FAM151B: variants seen among roughly 807,000 people sequenced by gnomAD.
The protein encoded by FAM151B is protein FAM151B.
A neutral mutation model predicts 31.2 loss-of-function variants in FAM151B; 24 were observed. The ratio of observed to expected loss-of-function variants is 0.77; its 90% confidence interval spans 0.56 to 1.08. FAM151B has a LOEUF of 1.08. Among genes scored for constraint, FAM151B ranks in the 50% least tolerant of loss-of-function variants. The pLI, the probability that FAM151B is intolerant of heterozygous loss-of-function variation, is 0.00. For missense variants in FAM151B, 293 were observed against 328.6 expected (o/e 0.89, Z 0.84); for synonymous variants, 105 against 111.4 (o/e 0.94, Z 0.36).
chr5:80,492,088 A>G (rs1023905322), intron 1 of FAM151B, among the ~76,000 whole-genome samples: 9 of 152,158 alleles, frequency 5.9e-5, no homozygotes, highest in Non-Finnish European at 8.8e-5. Flanking sequence ...GTGATTCCGT[A>G]TGATATTGTA....
In FAM151B at chr5:80,532,208, G is replaced by A. The variant is rs1052868904; in HGVS notation, c.672-9465G>A. ...CACAGGGTGGGGAACATCCCACACC[G>A]GGGCCTGTTGTGGGGTGGGGGGAGG... On this transcript the variant is annotated intron_variant, in intron 5 of 5. Transcript: ENST00000282226. 6.8e-5 allele frequency among the ~76,000 whole-genome samples: 9 copies of A among 132,340 alleles called. No individual in the cohort carries two copies. The South Asian group carries it at 8.1e-4, about 12-fold the overall frequency. The allele number at this position is 132,340 out of a possible 152,430, so 86.8% of individuals were successfully genotyped here. A position where few individuals can be genotyped will look rare whatever the true frequency, so the allele number is the denominator to read the frequency against.
At chr5:80,491,126 C>T (rs772955927) in intron 1 of FAM151B, among the ~76,000 whole-genome samples, 1 of 151,968 alleles carries the variant, frequency 6.6e-6, no homozygotes, top group Non-Finnish European at 1.5e-5. Flanking sequence ...TATCCATCAC[C>T]TCACATACTT....
At chr5:80,488,236 G>T (rs928196136) in intron 1 of FAM151B, 88 bp downstream of exon 1, 1 of 1,458,236 alleles carries the variant, frequency 6.9e-7, no homozygotes. Context: ...GGCTCCCGCG[G>T]TCTTCCTTGC....
intron 5 of FAM151B, among the ~76,000 whole-genome samples, chr5:80,539,447 T>C (rs548123453): frequency 6.6e-6 from 1 of 152,280 alleles, no homozygotes; most frequent in Admixed American, 6.5e-5. Context: ...TGAAAATTAA[T>C]GGAGTTTTGT....
chr5:80,538,446 TTC>T (rs200507737), intron 5 of FAM151B, among the ~76,000 whole-genome samples: 7,601 of 45,612 alleles, frequency 0.17, 643 homozygotes, highest in Middle Eastern at 0.23. Context: ...CTTTCTTTCT[TTC>T]TCTTTCTTTC....
chr5:80,535,080 A>G (rs1464361492), intron 5 of FAM151B, among the ~76,000 whole-genome samples: 1 of 152,150 alleles, frequency 6.6e-6, no homozygotes, highest in Non-Finnish European at 1.5e-5. Context: ...ACTATAAAAC[A>G]CTGGTGCAAG....
At chr5:80,535,147 A>G in intron 5 of FAM151B, among the ~76,000 whole-genome samples, 1 of 152,226 alleles carries the variant, frequency 6.6e-6, no homozygotes, top group Non-Finnish European at 1.5e-5. Context: ...GATTGGAAGA[A>G]TTAATATTGT....
intron 1 of FAM151B, among the ~76,000 whole-genome samples, chr5:80,489,584 G>A (rs1441528190): frequency 6.6e-6 from 1 of 152,190 alleles, no homozygotes; most frequent in Admixed American, 6.5e-5. Flanking sequence ...TAAAATGTGT[G>A]CACAAGTGAA....
intron 5 of FAM151B, among the ~76,000 whole-genome samples, chr5:80,538,450 C>CTTTCTTTCTTTCTTTCTCTTTCTTTG (rs1745664642): frequency 4.3e-5 from 3 of 69,926 alleles, no homozygotes; most frequent in Non-Finnish European, 8.7e-5. Flanking sequence ...CTTTCTTTCT[C>CTTTCTTTCTTTCTTTCTCTTTCTTTG]TTTCTTTCTT....
intron 2 of FAM151B, among the ~76,000 whole-genome samples, chr5:80,506,817 T>G (rs1743980933): frequency 6.6e-6 from 1 of 152,106 alleles, no homozygotes; most frequent in South Asian, 2.1e-4. Context: ...GTTGAGAGAT[T>G]GTTTTGATTT....
intron 1 of FAM151B, chr5:80,500,055 ATAT>A (rs1743686509): frequency 4.9e-6 from 1 of 202,454 alleles, no homozygotes. Context: ...ATAAAATGGA[ATAT>A]TATTCAGCCC....
chr5:80,489,231 G>A (rs537587252), intron 1 of FAM151B, among the ~76,000 whole-genome samples: 2 of 151,902 alleles, frequency 1.3e-5, no homozygotes, highest in East Asian at 3.9e-4. Flanking sequence ...ATTCTGTAAT[G>A]AACATTTTTG....
At chr5:80,526,305 G>A (rs372149329) in intron 5 of FAM151B, among the ~76,000 whole-genome samples, 1 of 151,980 alleles carries the variant, frequency 6.6e-6, no homozygotes. Context: ...AATTCTCTTA[G>A]CATTTTTAAT....
chr5:80,518,032 G>A (rs61602358), intron 3 of FAM151B, among the ~76,000 whole-genome samples: 3 of 147,468 alleles, frequency 2.0e-5, no homozygotes, highest in African/African-American at 5.0e-5. Context: ...AGATCGCACC[G>A]TTGCACTCCA....
chr5:80,530,817 T>C (rs1745206166), intron 5 of FAM151B, among the ~76,000 whole-genome samples: 1 of 152,166 alleles, frequency 6.6e-6, no homozygotes, highest in Non-Finnish European at 1.5e-5. Context: ...CTGCCCAAGG[T>C]AATTTATATG....
intron 1 of FAM151B, among the ~76,000 whole-genome samples, chr5:80,495,779 G>A (rs1475524950): frequency 2.4e-5 from 3 of 126,350 alleles, no homozygotes; most frequent in East Asian, 2.6e-4. Context: ...GCGGTAAGCC[G>A]AGATGCGCCA....
chr5:80,521,465 T>A, intron 4 of FAM151B, among the ~76,000 whole-genome samples: 1 of 152,228 alleles, frequency 6.6e-6, no homozygotes. Flanking sequence ...GTAAAATATA[T>A]ACATATATAG....
intron 1 of FAM151B, chr5:80,498,456 G>C: frequency 2.0e-6 from 1 of 502,392 alleles, no homozygotes; most frequent in South Asian, 2.0e-5. Flanking sequence ...CCATTTTTAG[G>C]TTTAAGGTTT....
intron 5 of FAM151B, among the ~76,000 whole-genome samples, chr5:80,524,656 T>C (rs1744876440): frequency 6.6e-6 from 1 of 152,166 alleles, no homozygotes. Context: ...ATTTATTTTT[T>C]AAAAACTTAG....
Sources: allele counts gnomAD v4.1 joint callset (sites outside exome capture counted in the v4.1 genomes callset), GRCh38; gene constraint gnomAD v4.1.1; transcripts MANE v1.5; gene names NCBI Gene and HGNC (gene_info 2026-07-23, HGNC 2026-07-21).